PRRC2B: variants seen among roughly 807,000 people sequenced by gnomAD.
The protein encoded by PRRC2B is protein PRRC2B.
A neutral mutation model predicts 242.3 loss-of-function variants in PRRC2B; 68 were observed. The ratio of observed to expected loss-of-function variants is 0.28; its 90% CI spans 0.23 to 0.34. The LOEUF (loss-of-function observed/expected upper bound fraction) is 0.34. PRRC2B is among the 10% of genes least tolerant of loss of function. PRRC2B has a pLI of 1.00. For missense variants in PRRC2B, 2,835 were observed against 2,954.8 expected, an observed-to-expected ratio of 0.96 and a Z score of 0.94; for synonymous variants, 1,228 against 1,173.6, an observed-to-expected ratio of 1.05 and a Z score of -0.95.
chr9:131,389,930 T>G (rs1420071641), upstream of PRRC2B, among the ~76,000 whole-genome samples: 4 of 141,594 alleles, frequency 2.8e-5, 1 homozygote, highest in Non-Finnish European at 4.7e-5. Context: ...TTTTTTTGTT[T>G]TTTTTTTTTT....
intron 1 of PRRC2B, among the ~76,000 whole-genome samples, chr9:131,381,509 C>G (rs865873090): frequency 4.0e-5 from 6 of 150,338 alleles, no homozygotes; most frequent in Non-Finnish European, 1.5e-5. Context: ...ACCTCCGCCT[C>G]CCGGGTTCAC....
chr9:131,486,452 G>GGA (rs1421604085), intron 26 of PRRC2B: 2 of 983,396 alleles, frequency 2.0e-6, no homozygotes, highest in Non-Finnish European at 2.4e-6. Flanking sequence ...CGGGGAATTA[G>GGA]CTAAAATGGA....
In PRRC2B at chr9:131,499,021, T is replaced by C. The variant is rs1350146540; in HGVS notation, c.*3147T>C. On this transcript the variant is annotated 3_prime_UTR_variant, in exon 32 of 32. Transcript: ENST00000683519. ...ATATTGTTTTCAAACTTGGAATTCA[T>C]AGACACTCTGGCTCTAGGTTCCTTA... The C allele has an allele frequency of 6.6e-6, 1 of 152,190 alleles. No individual in the cohort carries two copies. The highest frequency in any genetic ancestry group is 1.5e-5 in the Non-Finnish European group (1 of 68,016). The allele number at this position is 152,190 out of a possible 1,614,324, so 9.4% of individuals were successfully genotyped here.
chr9:131,399,815 A>T (rs1837179981), intron 1 of PRRC2B, among the ~76,000 whole-genome samples: 1 of 152,130 alleles, frequency 6.6e-6, no homozygotes, highest in African/African-American at 2.4e-5. Flanking sequence ...TAATTATATA[A>T]TTGCTATTAT....
Position 131,481,734 on chromosome 9 carries a change from G to C in PRRC2B, c.4909G>C (p.Val1637Leu), listed in dbSNP as rs765996415. 3.2e-6 allele frequency: 5 copies of C among 1,562,536 alleles called. No individual in the cohort carries two copies. The highest frequency in any genetic ancestry group is 1.9e-5 in the Admixed American group (1 of 52,734). Reference protein sequence around the residue: ...IWESSSQALPVQAPANDSWRK... With the variant: ...IWESSSQALPLQAPANDSWRK... The stretch of plus-strand genomic sequence containing the variant: ...TCTTCCTCCCCTGGCAGCTCTCCCT[G>C]TGCAGGCCCCAGCCAACGACTCCTG... The change falls in exon 20 of 32, where the codon GTG becomes CTG. Residue 1637 changes from valine to leucine, a missense_variant. By Grantham distance (32) the Val-to-Leu change is conservative. Transcript: ENST00000683519.
At chr9:131,423,470 A>C (rs1022511953) in intron 1 of PRRC2B, among the ~76,000 whole-genome samples, 3 of 152,186 alleles carry the variant, frequency 2.0e-5, no homozygotes, top group Non-Finnish European at 4.4e-5. Context: ...TGTTTGTGAA[A>C]AGCAGCTGGC....
At chr9:131,485,988 C>G (rs899114165) in intron 25 of PRRC2B, 97 bp from the exon 26 acceptor site, 4 of 875,838 alleles carry the variant, frequency 4.6e-6, no homozygotes, top group Non-Finnish European at 7.6e-6. Flanking sequence ...ACTGAGTCCC[C>G]TGGGTAGAGC....
At chr9:131,374,719 G>T (rs1266311609) in intron 1 of PRRC2B, among the ~76,000 whole-genome samples, 1 of 152,052 alleles carries the variant, frequency 6.6e-6, no homozygotes, top group Non-Finnish European at 1.5e-5. Flanking sequence ...TAGAGACGGG[G>T]TTTCTCCATG....
At chr9:131,434,913 A>G (rs1258897529) in intron 3 of PRRC2B, among the ~76,000 whole-genome samples, 1 of 152,128 alleles carries the variant, frequency 6.6e-6, no homozygotes, top group East Asian at 1.9e-4. Flanking sequence ...AATCATTTAA[A>G]CTTCAAAATA....
At chr9:131,380,842 C>T (rs1836748720) in intron 1 of PRRC2B, among the ~76,000 whole-genome samples, 1 of 130,790 alleles carries the variant, frequency 7.6e-6, no homozygotes, top group Non-Finnish European at 1.6e-5. Flanking sequence ...CACACTACTG[C>T]ACTCCAGCCC....
intron 28 of PRRC2B, among the ~76,000 whole-genome samples, chr9:131,488,819 C>G (rs1035451177): frequency 6.6e-6 from 1 of 152,220 alleles, no homozygotes; most frequent in Non-Finnish European, 1.5e-5. Flanking sequence ...ATCACCACAT[C>G]CAGTGTCTGC....
At chr9:131,491,269 T>C in intron 28 of PRRC2B, 156 bp from the exon 29 acceptor site, 1 of 737,616 alleles carries the variant, frequency 1.4e-6, no homozygotes, top group Admixed American at 3.1e-5. Flanking sequence ...TCTCCTGTGC[T>C]GCAGTAGAAA....
chr9:131,378,494 A>ACTAT (rs1836714198), intron 1 of PRRC2B, among the ~76,000 whole-genome samples: 1 of 151,978 alleles, frequency 6.6e-6, no homozygotes, highest in South Asian at 2.1e-4. Context: ...GCTTCCTTGG[A>ACTAT]CTATGTTCCC....
upstream of PRRC2B, among the ~76,000 whole-genome samples, chr9:131,389,900 C>A (rs1376314968): frequency 2.7e-5 from 4 of 147,938 alleles, 1 homozygote; most frequent in South Asian, 2.1e-4. Flanking sequence ...AGAACTAAAA[C>A]CTCGGAACAT....
rs2131472994 is a variant in PRRC2B, at chr9:131,487,427, GCTCTGAATCACTC to G, written c.5984+134_5984+146del. On this transcript the variant is annotated intron_variant, in intron 27 of 31. Coordinates refer to ENST00000683519, the MANE Select transcript of PRRC2B (RefSeq NM_013318.4). The surrounding 1 kb of genome is among the most constrained non-coding windows in gnomAD (Gnocchi z 5.3). ...GTGGGGCGGGGAGGGGTGGGAGTTT[GCTCTGAATCACTC>G]TTCAGTCCGTTGTTAACTGTGCTCT... 1 of 823,616 alleles carries G rather than the reference GCTCTGAATCACTC, an allele frequency of 1.2e-6. No individual in the cohort carries two copies. Among genetic ancestry groups the G allele is most frequent in the East Asian group, 2.7e-5 (1 of 36,626 alleles). 51.0% of individuals were successfully genotyped at this position (823,616 alleles called of 1,614,324 possible). A position where few individuals can be genotyped will look rare whatever the true frequency, so the allele number is the denominator to read the frequency against.
chr9:131,413,921 C>T lies in PRRC2B; in HGVS notation c.-51-16173C>T, dbSNP rs150776927. The stretch of plus-strand genomic sequence containing the variant: ...TCCTGACCTCATGATCCACCCGCCT[C>T]GGCCTCCCAAAGTGCTGGGATTACA... On this transcript the variant is annotated intron_variant, in intron 1 of 31. Coordinates refer to ENST00000683519, the MANE Select transcript of PRRC2B (RefSeq NM_013318.4). Among the ~76,000 whole-genome samples, 150 of 151,310 alleles carry T rather than the reference C, an allele frequency of 9.9e-4. 1 individual carries two copies. The East Asian group carries it at 0.021, about 21-fold the overall frequency.
chr9:131,492,086 C>A, intron 29 of PRRC2B, 83 bp from the exon 30 acceptor site: 1 of 1,094,040 alleles, frequency 9.1e-7, no homozygotes, highest in Non-Finnish European at 1.4e-6. Context: ...CTCACCACCT[C>A]TGCCCTGGGT....
intron 18 of PRRC2B, 30 bp downstream of exon 18, chr9:131,478,649 G>GGGGGGGGGGGCCCCGGGGGC: frequency 2.0e-6 from 1 of 504,562 alleles, no homozygotes; most frequent in Non-Finnish European, 4.0e-6. Flanking sequence ...GGGGCATGGG[G>GGGGGGGGGGGCCCCGGGGGC]CTGGAGGGCA....
At chr9:131,467,201 CTGGGATTACAGGTG>C (rs1943421433) in intron 12 of PRRC2B, among the ~76,000 whole-genome samples, 1 of 152,222 alleles carries the variant, frequency 6.6e-6, no homozygotes, top group South Asian at 2.1e-4. Context: ...TCCCAAAGTG[CTGGGATTACAGGTG>C]TGAGCCACTG....
Sources: gnomAD v4.1 joint callset for allele counts (sites outside exome capture counted in the v4.1 genomes callset) on GRCh38, gnomAD v4.1.1 for gene constraint, Gnocchi (gnomAD v3.1) non-coding constraint, MANE v1.5 for transcripts, NCBI Gene and HGNC (gene_info 2026-07-23, HGNC 2026-07-21) for gene names.